GNA13: variants seen among roughly 807,000 people sequenced by gnomAD.
The protein encoded by GNA13 is guanine nucleotide-binding protein subunit alpha-13.
Under a neutral mutation model 33.5 loss-of-function variants are expected in GNA13, and 4 were observed. That is an observed-to-expected ratio of 0.12 (90% CI 0.06 to 0.27). The LOEUF (loss-of-function observed/expected upper bound fraction) is 0.27, where lower values mean the gene tolerates loss of function less well. Ranked by LOEUF, GNA13 falls within the 10% of genes least tolerant of loss-of-function variation. The pLI, the probability that GNA13 is intolerant of heterozygous loss-of-function variation, is 1.00. For synonymous variants in GNA13, 176 were observed against 183.8 expected (o/e 0.96, Z 0.34); for missense variants, 319 against 487.2 (o/e 0.65, Z 3.25).
Position 65,011,191 on chromosome 17 carries a change from T to C in GNA13, c.*3066A>G. 4.9e-6 allele frequency: 1 copy of C among 203,302 alleles called. No individual in the cohort carries two copies. The highest frequency in any genetic ancestry group is 1.0e-5 in the Non-Finnish European group (1 of 98,900). 12.6% of individuals were successfully genotyped at this position (203,302 alleles called of 1,614,324 possible). A position where few individuals can be genotyped will look rare whatever the true frequency, so the allele number is the denominator to read the frequency against. The stretch of plus-strand genomic sequence containing the variant: ...CTAATCATTTCTGGTATTAAGGCGA[T>C]CTTATTTCCTTCTACTTTAAACCAA... On this transcript the variant is annotated 3_prime_UTR_variant, in exon 4 of 4. Transcript: ENST00000439174.
At chr17:65,015,932 G>C (rs1598478560) in intron 3 of GNA13, among the ~76,000 whole-genome samples, 2 of 152,140 alleles carry the variant, frequency 1.3e-5, no homozygotes, top group Non-Finnish European at 2.9e-5. Context: ...CAGCACCTCT[G>C]TCTGTGAAAT....
At position 65,042,334 on chromosome 17, in the gene GNA13, G is replaced by A. The variant is rs1373929881; in HGVS notation, c.510+11168C>T. Among the ~76,000 whole-genome samples the A allele has an allele frequency of 4.7e-5, 7 of 147,724 alleles. No individual in the cohort carries two copies. The Middle Eastern group carries it at 0.011, about 233-fold the overall frequency. On this transcript the variant is annotated intron_variant, in intron 2 of 3. Transcript: ENST00000439174. ...GATCAGCCATTGCACTCCAGCCTGG[G>A]TAACAAGAGTGAAACTCCGTCTCAA...
At chr17:65,021,424 G>A (rs1489665445) in intron 2 of GNA13, among the ~76,000 whole-genome samples, 2 of 152,236 alleles carry the variant, frequency 1.3e-5, no homozygotes, top group Non-Finnish European at 2.9e-5. Context: ...TGGGTCTGGA[G>A]TCCTAAGCTT....
chr17:65,031,913 A>T lies in GNA13; in HGVS notation c.511-13610T>A, dbSNP rs1252078821. The stretch of plus-strand genomic sequence containing the variant: ...GAGAGAGAAAGAGAGAGAGAGAGAG[A>T]GAGAGAGAGTGTGTGTGTGTGTGTG... On this transcript the variant is annotated intron_variant, in intron 2 of 3. Transcript: ENST00000439174. Among the ~76,000 whole-genome samples, 352 of 134,282 alleles carry T rather than the reference A, an allele frequency of 2.6e-3. 3 individuals carry two copies. Among genetic ancestry groups the T allele is most frequent in the Middle Eastern group, 3.8e-3 (1 of 264 alleles). The allele number at this position is 134,282 out of a possible 152,430, so 88.1% of individuals were successfully genotyped here. A position where few individuals can be genotyped will look rare whatever the true frequency, so the allele number is the denominator to read the frequency against.
chr17:65,027,712 AG>A (rs1310904467), intron 2 of GNA13, among the ~76,000 whole-genome samples: 2 of 152,210 alleles, frequency 1.3e-5, no homozygotes, highest in Non-Finnish European at 2.9e-5. Context: ...CTTTGAAACT[AG>A]GAACACTGAC....
At chr17:65,049,069 C>T (rs547979387) in intron 2 of GNA13, among the ~76,000 whole-genome samples, 145 of 152,176 alleles carry the variant, frequency 9.5e-4, no homozygotes, top group Non-Finnish European at 1.7e-3. Context: ...CCATATTTCC[C>T]AGAAGGAACT....
chr17:65,039,336 C>T (rs1459071458), intron 2 of GNA13, among the ~76,000 whole-genome samples: 1 of 152,168 alleles, frequency 6.6e-6, no homozygotes, highest in Non-Finnish European at 1.5e-5. Context: ...TGCAAAGGCT[C>T]TCCCTCACTC....
At chr17:65,053,863 C>T (rs566798924) in intron 1 of GNA13, 135 bp from the exon 2 acceptor site, 7 of 608,466 alleles carry the variant, frequency 1.2e-5, no homozygotes, top group Admixed American at 6.2e-5. Flanking sequence ...AGACCAACAT[C>T]GAAAACAAAT....
chr17:65,047,609 T>C (rs1907712558), intron 2 of GNA13, among the ~76,000 whole-genome samples: 1 of 152,086 alleles, frequency 6.6e-6, no homozygotes, highest in Admixed American at 6.6e-5. Flanking sequence ...TAGCAATTCT[T>C]TAATATTTAA....
chr17:65,049,952 G>A (rs549881240), intron 2 of GNA13, among the ~76,000 whole-genome samples: 12 of 152,256 alleles, frequency 7.9e-5, no homozygotes, highest in Middle Eastern at 3.4e-3. Context: ...GAGGGACTAC[G>A]CATGATGAGA....
At chr17:65,042,649 A>G (rs1250922690) in intron 2 of GNA13, among the ~76,000 whole-genome samples, 2 of 151,956 alleles carry the variant, frequency 1.3e-5, no homozygotes, top group East Asian at 3.9e-4. Context: ...AGGAAGGAGA[A>G]TCACTTGAAC....
Position 65,037,589 on chromosome 17 carries a change from T to C in GNA13, c.510+15913A>G, listed in dbSNP as rs139880081. Among the ~76,000 whole-genome samples the C allele has an allele frequency of 4.6e-5, 7 of 152,078 alleles. No individual in the cohort carries two copies. In the East Asian group the frequency reaches 1.2e-3, roughly 25 times the overall value. ...CTCCTACCTTTCTGGCCACTTCTGC[T>C]AGGATCTCCTCCTCTGAACATTCTC... On this transcript the variant is annotated intron_variant, in intron 2 of 3. Transcript: ENST00000439174.
At chr17:65,042,736 CA>C (rs1015759221) in intron 2 of GNA13, among the ~76,000 whole-genome samples, 2 of 150,022 alleles carry the variant, frequency 1.3e-5, no homozygotes, top group African/African-American at 2.4e-5. Context: ...GACTCCATCT[CA>C]AAAAAAAAGA....
chr17:65,023,715 A>G (rs1296309786), intron 2 of GNA13, among the ~76,000 whole-genome samples: 3 of 152,180 alleles, frequency 2.0e-5, no homozygotes, highest in African/African-American at 7.2e-5. Flanking sequence ...TTCCCATACA[A>G]ATTTCCAGTG....
intron 2 of GNA13, among the ~76,000 whole-genome samples, chr17:65,050,306 A>G (rs1907817145): frequency 6.6e-6 from 1 of 152,260 alleles, no homozygotes; most frequent in Non-Finnish European, 1.5e-5. Flanking sequence ...GATGACTTTG[A>G]GGAAAATTTT....
chr17:65,024,001 A>G (rs1039629248), intron 2 of GNA13, among the ~76,000 whole-genome samples: 1 of 152,222 alleles, frequency 6.6e-6, no homozygotes, highest in African/African-American at 2.4e-5. Context: ...CTGTAATCCC[A>G]GCACTTTGGG....
intron 2 of GNA13, among the ~76,000 whole-genome samples, chr17:65,029,391 G>A (rs1277362567): frequency 6.6e-6 from 1 of 152,170 alleles, no homozygotes; most frequent in Non-Finnish European, 1.5e-5. Flanking sequence ...TATACAGGGA[G>A]CAAAGATAAA....
rs1906183008 is a variant in GNA13, at chr17:65,011,366, T to C, written c.*2891A>G. On this transcript the variant is annotated 3_prime_UTR_variant, in exon 4 of 4. Transcript: ENST00000439174. ...AGTTTTTTCATTCCATATTGCTTTC[T>C]TTGGTTGCAGAGCAATCCAGTGCCC... is the stretch of plus-strand genomic sequence containing the variant. 1 of 196,386 alleles carries C rather than the reference T, an allele frequency of 5.1e-6. No homozygotes were observed. Among genetic ancestry groups the C allele is most frequent in the Non-Finnish European group, 1.1e-5 (1 of 94,646 alleles). 12.2% of individuals were successfully genotyped at this position (196,386 alleles called of 1,614,324 possible). A position where few individuals can be genotyped will look rare whatever the true frequency, so the allele number is the denominator to read the frequency against.
Position 65,014,867 on chromosome 17 carries a change from C to T in GNA13, c.562-38G>A, listed in dbSNP as rs749073210. On this transcript the variant is annotated intron_variant, in intron 3 of 3. Coordinates refer to ENST00000439174, the MANE Select transcript of GNA13 (RefSeq NM_006572.6). The surrounding 1 kb of genome is among the most constrained non-coding windows in gnomAD (Gnocchi z 5.3). ...AAACTTGTTTTATACCTATTAATCC[C>T]GAAGTAATGCGAATTTTTAATGGAC... The T allele has an allele frequency of 1.4e-5, 17 of 1,253,524 alleles. No individual in the cohort carries two copies. Among genetic ancestry groups the T allele is most frequent in the African/African-American group, 9.0e-5 (6 of 66,508 alleles). 77.7% of individuals were successfully genotyped at this position (1,253,524 alleles called of 1,614,324 possible).
Sources: allele counts gnomAD v4.1 joint callset (sites outside exome capture counted in the v4.1 genomes callset), GRCh38; gene constraint gnomAD v4.1.1; non-coding constraint Gnocchi (gnomAD v3.1); transcripts MANE v1.5; gene names NCBI Gene and HGNC (gene_info 2026-07-23, HGNC 2026-07-21).